The following FAM81B variants were observed in gnomAD, a reference collection of about 807,000 sequenced individuals.
The protein encoded by FAM81B is protein FAM81B.
Under a neutral mutation model 58.7 loss-of-function variants are expected in FAM81B, and 60 were observed. That is an observed-to-expected ratio of 1.02 (90% CI 0.83 to 1.27). The LOEUF (loss-of-function observed/expected upper bound fraction) is 1.27, where lower values mean the gene tolerates loss of function less well. FAM81B is among the 50% of genes most tolerant of loss of function. The pLI, the probability that FAM81B is intolerant of heterozygous loss-of-function variation, is 0.00. For synonymous variants in FAM81B, 189 were observed against 179.6 expected (o/e 1.05, Z -0.42); for missense variants, 491 against 522.0 (o/e 0.94, Z 0.58).
At chr5:95,400,447 C>T (rs368417687) in intron 3 of FAM81B, among the ~76,000 whole-genome samples, 88 of 151,408 alleles carry the variant, frequency 5.8e-4, no homozygotes, top group African/African-American at 2.0e-3. Context: ...CACACACACA[C>T]ACATACATAC....
intron 9 of FAM81B, 21 bp from the exon 10 acceptor site, chr5:95,450,111 CATTGTTTAAGTGTACCT>C (rs1305404872): frequency 1.3e-6 from 2 of 1,560,608 alleles, no homozygotes; most frequent in South Asian, 1.2e-5. Flanking sequence ...AGCTCTAATG[CATTGTTTAAGTGTACCT>C]ATTCTTTTAC....
intron 7 of FAM81B, among the ~76,000 whole-genome samples, chr5:95,443,853 T>C (rs1745455267): frequency 6.6e-6 from 1 of 152,236 alleles, no homozygotes; most frequent in African/African-American, 2.4e-5. Flanking sequence ...TTTCAATTAC[T>C]GATATGCCCT....
chr5:95,395,994 T>C (rs1761955019), intron 2 of FAM81B, 117 bp from the exon 3 acceptor site: 4 of 735,040 alleles, frequency 5.4e-6, no homozygotes, highest in Middle Eastern at 7.1e-4. Context: ...ACTGAGCTGA[T>C]TATCTGGTCT....
At position 95,446,634 on chromosome 5, in the gene FAM81B, C is replaced by T; in HGVS notation, c.966C>T (p.Leu322=). The T allele has an allele frequency of 1.2e-6, 2 of 1,613,278 alleles. No individual in the cohort carries two copies. The highest frequency in any genetic ancestry group is 1.7e-6 in the Non-Finnish European group (2 of 1,179,760). ...AAAAATGGACAGAAAACCAATTTCT[C>T]AAATATAGAAAAGACCACCTGGGCC... ...NNKKWTENQF[L]KYRKDHLGHI... Residue 322 remains leucine, a synonymous_variant, in exon 8 of 10, where the codon CTC becomes CTT. Transcript: ENST00000283357.
chr5:95,392,545 TAA>T (rs927238760), intron 1 of FAM81B, among the ~76,000 whole-genome samples: 9 of 152,132 alleles, frequency 5.9e-5, no homozygotes, highest in Admixed American at 5.2e-4. Context: ...TGTCTGATCC[TAA>T]AAAAGTTTCT....
At chr5:95,424,990 C>G (rs1762785463) in intron 5 of FAM81B, among the ~76,000 whole-genome samples, 1 of 151,848 alleles carries the variant, frequency 6.6e-6, no homozygotes, top group African/African-American at 2.4e-5. Context: ...TAAAATAGAA[C>G]AAATGCAACC....
intron 4 of FAM81B, 146 bp downstream of exon 4, chr5:95,414,336 A>C: frequency 1.1e-6 from 1 of 924,090 alleles, no homozygotes; most frequent in East Asian, 2.7e-5. Context: ...TAGTGGTCTA[A>C]GAGGGAAACA....
intron 5 of FAM81B, among the ~76,000 whole-genome samples, chr5:95,422,837 T>C (rs575655304): frequency 2.0e-4 from 31 of 152,302 alleles, no homozygotes; most frequent in African/African-American, 7.0e-4. Context: ...TGAAATTACA[T>C]CAAGATACGC....
chr5:95,425,988 AT>A (rs1478882689), intron 5 of FAM81B, among the ~76,000 whole-genome samples: 1 of 150,610 alleles, frequency 6.6e-6, no homozygotes, highest in Non-Finnish European at 1.5e-5. Flanking sequence ...TTCTCACTAC[AT>A]TTATCTTTTC....
At chr5:95,425,160 CAG>C (rs1241890847) in intron 5 of FAM81B, among the ~76,000 whole-genome samples, 1 of 145,680 alleles carries the variant, frequency 6.9e-6, no homozygotes, top group African/African-American at 2.6e-5. Flanking sequence ...GAAGAAGAAA[CAG>C]AACGAATTCT....
At chr5:95,425,135 C>G (rs1762789296) in intron 5 of FAM81B, among the ~76,000 whole-genome samples, 1 of 148,880 alleles carries the variant, frequency 6.7e-6, no homozygotes, top group Non-Finnish European at 1.5e-5. Flanking sequence ...CAATATAGAA[C>G]TAATAGAAGG....
At chr5:95,433,069 A>G (rs1399025654) in intron 6 of FAM81B, among the ~76,000 whole-genome samples, 1 of 152,076 alleles carries the variant, frequency 6.6e-6, no homozygotes, top group Non-Finnish European at 1.5e-5. Flanking sequence ...TCTCATTATT[A>G]TTTCCTAGAA....
At chr5:95,440,450 C>A (rs1033124496) in intron 7 of FAM81B, 5 of 641,994 alleles carry the variant, frequency 7.8e-6, no homozygotes, top group Admixed American at 1.9e-5. Context: ...TTCAGGAGCA[C>A]CTGACAGGAT....
Position 95,392,504 on chromosome 5 carries a change from A to T in FAM81B, c.125-290A>T, listed in dbSNP as rs1022743782. Among the ~76,000 whole-genome samples the T allele has an allele frequency of 3.2e-4, 48 of 152,062 alleles. 1 individual carries two copies. The highest frequency in any genetic ancestry group is 1.1e-3 in the Admixed American group (17 of 15,258). Reference sequence around the variant, plus strand: ...TATCCCAGGACTTAAAGTATAATTTAAAAAAAATACATTCCTGATTATTTT... The same window carrying T: ...TATCCCAGGACTTAAAGTATAATTTTAAAAAAATACATTCCTGATTATTTT... On this transcript the variant is annotated intron_variant, in intron 1 of 9. Transcript: ENST00000283357.
chr5:95,434,783 C>A (rs1159796960), intron 6 of FAM81B, among the ~76,000 whole-genome samples: 1 of 152,196 alleles, frequency 6.6e-6, no homozygotes, highest in Admixed American at 6.5e-5. Flanking sequence ...AAATTTACCT[C>A]TGATTATATA....
At chr5:95,405,779 A>T (rs1309747386) in intron 3 of FAM81B, among the ~76,000 whole-genome samples, 2 of 152,134 alleles carry the variant, frequency 1.3e-5, no homozygotes, top group Non-Finnish European at 2.9e-5. Flanking sequence ...AGGCACCAGA[A>T]AACCACTCCC....
chr5:95,436,699 G>T, intron 6 of FAM81B, 101 bp from the exon 7 acceptor site: 1 of 793,086 alleles, frequency 1.3e-6, no homozygotes, highest in East Asian at 2.6e-5. Context: ...AAGGAATAAA[G>T]TATATTAATC....
chr5:95,431,663 T>C (rs1163724494), intron 6 of FAM81B, among the ~76,000 whole-genome samples: 1 of 152,010 alleles, frequency 6.6e-6, no homozygotes, highest in Non-Finnish European at 1.5e-5. Flanking sequence ...ATTTTTCTCA[T>C]GTAGATTTGG....
chr5:95,448,492 G>A, intron 9 of FAM81B, 28 bp downstream of exon 9: 1 of 1,570,344 alleles, frequency 6.4e-7, no homozygotes, highest in Non-Finnish European at 8.6e-7. Context: ...ATTAAGTAAA[G>A]AATATCTGTC....
Sources: allele counts gnomAD v4.1 joint callset (sites outside exome capture counted in the v4.1 genomes callset), GRCh38; gene constraint gnomAD v4.1.1; transcripts MANE v1.5; gene names NCBI Gene and HGNC (gene_info 2026-07-23, HGNC 2026-07-21).